Variants in COL22A1 observed in about 807,000 individuals in gnomAD.
The protein encoded by COL22A1 is collagen type XXII alpha 1 chain.
In COL22A1, 221 loss-of-function variants were observed where a neutral mutation model predicts 248.9. The ratio of observed to expected loss-of-function variants is 0.89; its 90% CI spans 0.80 to 0.99. The LOEUF (loss-of-function observed/expected upper bound fraction) is 0.99. COL22A1 is among the 50% of genes least tolerant of loss of function. The pLI, the probability that COL22A1 is intolerant of heterozygous loss-of-function variation, is 0.00. For missense variants in COL22A1, 2,240 were observed against 2,179.0 expected (o/e 1.03, Z -0.56); for synonymous variants, 891 against 793.4 (o/e 1.12, Z -2.07).
intron 47 of COL22A1, among the ~76,000 whole-genome samples, chr8:138,639,185 T>C (rs902237617): frequency 1.3e-5 from 2 of 152,212 alleles, no homozygotes; most frequent in Non-Finnish European, 1.5e-5. Context: ...TATCAGAGTG[T>C]TAGATAATAA....
intron 10 of COL22A1, among the ~76,000 whole-genome samples, chr8:138,805,446 G>GGT (rs199807265): frequency 3.7e-4 from 50 of 136,074 alleles, no homozygotes; most frequent in South Asian, 2.5e-4. Context: ...GATGGTGTGT[G>GGT]GTGTGTGTGA....
At chr8:138,809,941 GA>G (rs1400704650) in intron 9 of COL22A1, among the ~76,000 whole-genome samples, 1 of 152,162 alleles carries the variant, frequency 6.6e-6, no homozygotes, top group South Asian at 2.1e-4. Flanking sequence ...TACAGACATG[GA>G]AAGATCCAAT....
chr8:138,623,284 G>A (rs998344412), intron 52 of COL22A1, among the ~76,000 whole-genome samples: 5 of 147,592 alleles, frequency 3.4e-5, no homozygotes, highest in African/African-American at 1.0e-4. Flanking sequence ...GTGTGTGTGT[G>A]TGTGTGTGTG....
In COL22A1 at chr8:138,869,439, G is replaced by C. The variant is rs555785032; in HGVS notation, c.658+8311C>G. ...GTCTGAAATGCGCTGACAGTGAAGT[G>C]TTTGTGTCGCACAAGCTCGTTGCTT... On this transcript the variant is annotated intron_variant, in intron 3 of 64. Coordinates refer to ENST00000303045, the MANE Select transcript of COL22A1 (RefSeq NM_152888.3). Among the ~76,000 whole-genome samples the C allele has an allele frequency of 2.6e-5, 4 of 152,274 alleles. No homozygotes were observed. The South Asian group carries it at 8.3e-4, about 32-fold the overall frequency.
chr8:138,860,682 C>T (rs941167943), intron 3 of COL22A1, among the ~76,000 whole-genome samples: 1 of 152,158 alleles, frequency 6.6e-6, no homozygotes, highest in South Asian at 2.1e-4. Flanking sequence ...GTGGTTCACA[C>T]CTGTAGTCCC....
intron 1 of COL22A1, among the ~76,000 whole-genome samples, chr8:138,912,851 C>T (rs1437058292): frequency 6.6e-6 from 1 of 152,154 alleles, no homozygotes; most frequent in East Asian, 1.9e-4. Flanking sequence ...AACAGGCCGG[C>T]AGGCGGTGCC....
At chr8:138,821,951 TC>T (rs1295336532) in intron 6 of COL22A1, among the ~76,000 whole-genome samples, 1 of 152,204 alleles carries the variant, frequency 6.6e-6, no homozygotes, top group Non-Finnish European at 1.5e-5. Flanking sequence ...CCTGTCTGGG[TC>T]ATTGGGGTAG....
In COL22A1 at chr8:138,826,750, A is replaced by G; in HGVS notation, c.877T>C (p.Tyr293His). Residue 293 changes from tyrosine (Y) to histidine (H), a missense_variant, in exon 6 of 65, where the codon TAC becomes CAC. Coordinates refer to ENST00000303045, the MANE Select transcript of COL22A1 (RefSeq NM_152888.3). ...AACCGGAAGGTTGTGACAAAGGCGT[A>G]CTCATCAGGTAAACCTTGGGGGAAC... ...DVFPQGLPDE[Y>H]AFVTTFRFRK... 1 of 1,614,094 alleles carries G rather than the reference A, an allele frequency of 6.2e-7. No individual in the cohort carries two copies. Among genetic ancestry groups the G allele is most frequent in the Non-Finnish European group, 8.5e-7 (1 of 1,179,986 alleles).
At chr8:138,616,178 G>T in intron 54 of COL22A1, 124 bp from the exon 55 acceptor site, 1 of 792,562 alleles carries the variant, frequency 1.3e-6, no homozygotes, top group Non-Finnish European at 2.1e-6. Flanking sequence ...ACTTCCATAC[G>T]CAGAGCCCCA....
At chr8:138,693,536 G>T in intron 35 of COL22A1, 110 bp downstream of exon 35, 1 of 1,164,354 alleles carries the variant, frequency 8.6e-7, no homozygotes, top group Non-Finnish European at 1.2e-6. Flanking sequence ...AACCTTCTGG[G>T]CCACGTCCTC....
At chr8:138,830,977 TTGTC>T (rs1300011646) in intron 5 of COL22A1, among the ~76,000 whole-genome samples, 1 of 152,162 alleles carries the variant, frequency 6.6e-6, no homozygotes, top group Admixed American at 6.5e-5. Context: ...AACAACCTCA[TTGTC>T]TGGGAAAATG....
At chr8:138,805,958 G>A (rs962221989) in intron 10 of COL22A1, among the ~76,000 whole-genome samples, 2 of 140,874 alleles carry the variant, frequency 1.4e-5, no homozygotes, top group Admixed American at 7.1e-5. Flanking sequence ...ATATTATGGT[G>A]TGTATGTGTG....
chr8:138,781,217 A>G (rs913400329), intron 12 of COL22A1, among the ~76,000 whole-genome samples: 6 of 151,454 alleles, frequency 4.0e-5, no homozygotes, highest in Non-Finnish European at 7.4e-5. Flanking sequence ...TACCCAGAAG[A>G]TCTGTATGCA....
chr8:138,610,835 G>A (rs1818800970), intron 56 of COL22A1, among the ~76,000 whole-genome samples: 1 of 152,232 alleles, frequency 6.6e-6, no homozygotes, highest in Non-Finnish European at 1.5e-5. Flanking sequence ...AGGCTGAGAT[G>A]GGAGGACTGC....
At chr8:138,802,276 A>C (rs1817059367) in intron 11 of COL22A1, among the ~76,000 whole-genome samples, 1 of 152,100 alleles carries the variant, frequency 6.6e-6, no homozygotes, top group Non-Finnish European at 1.5e-5. Context: ...CATTAATTGC[A>C]TTCACTCATC....
intron 21 of COL22A1, among the ~76,000 whole-genome samples, chr8:138,752,039 C>A (rs1832647248): frequency 6.6e-6 from 1 of 152,196 alleles, no homozygotes; most frequent in Non-Finnish European, 1.5e-5. Flanking sequence ...GAATCCTGCC[C>A]CCTCGTCCTG....
At chr8:138,833,013 GT>G in intron 5 of COL22A1, 25 bp downstream of exon 5, 1 of 1,469,796 alleles carries the variant, frequency 6.8e-7, no homozygotes, top group Non-Finnish European at 9.5e-7. Context: ...CCCTGGGCAG[GT>G]CTGGAAAGAG....
At chr8:138,867,141 G>A (rs377155256) in intron 3 of COL22A1, among the ~76,000 whole-genome samples, 46 of 152,226 alleles carry the variant, frequency 3.0e-4, no homozygotes, top group African/African-American at 1.1e-3. Flanking sequence ...CCCAGTGTGA[G>A]AGCAGCCATC....
intron 16 of COL22A1, among the ~76,000 whole-genome samples, chr8:138,770,750 TG>T (rs1329966109): frequency 2.6e-5 from 4 of 152,160 alleles, no homozygotes; most frequent in African/African-American, 9.7e-5. Flanking sequence ...CCTTGGCAGG[TG>T]GGTAAACAGA....
Sources: gnomAD v4.1 joint callset for allele counts (sites outside exome capture counted in the v4.1 genomes callset) on GRCh38, gnomAD v4.1.1 for gene constraint, MANE v1.5 for transcripts, NCBI Gene and HGNC (gene_info 2026-07-23, HGNC 2026-07-21) for gene names.